Variants in C7 observed in about 807,000 individuals in gnomAD.
C7 encodes complement C7, also known as complement component C7.
A neutral mutation model predicts 104.8 loss-of-function variants in C7; 83 were observed. That is an observed-to-expected ratio of 0.79 (90% CI 0.66 to 0.95). The LOEUF is 0.95. C7 is among the 40% of genes least tolerant of loss of function. C7 has a pLI of 0.00. For missense variants in C7, 1,070 were observed against 1,011.2 expected (o/e 1.06, Z -0.79); for synonymous variants, 415 against 360.6 (o/e 1.15, Z -1.71).
At chr5:40,967,738 T>G (rs1166413667) in intron 14 of C7, 9 of 176,328 alleles carry the variant, frequency 5.1e-5, no homozygotes, top group African/African-American at 2.1e-4. Context: ...GTAGGCCTTA[T>G]TATTAACAAC....
intron 1 of C7, among the ~76,000 whole-genome samples, chr5:40,917,609 A>G (rs914586126): frequency 6.6e-5 from 10 of 152,104 alleles, no homozygotes; most frequent in Admixed American, 1.3e-4. Flanking sequence ...TTTCTCTTTG[A>G]TATACTGATT....
intron 16 of C7, among the ~76,000 whole-genome samples, chr5:40,977,436 C>G (rs1299907112): frequency 6.6e-6 from 1 of 152,210 alleles, no homozygotes; most frequent in Admixed American, 6.5e-5. Flanking sequence ...AAGGAAACTA[C>G]AAGTCCCATG....
intron 2 of C7, among the ~76,000 whole-genome samples, chr5:40,930,152 T>G (rs1168138437): frequency 6.6e-6 from 1 of 152,116 alleles, no homozygotes; most frequent in African/African-American, 2.4e-5. Flanking sequence ...GATTATTTGT[T>G]TACACATCTG....
chr5:40,943,671 G>A (rs1411852901), intron 6 of C7, among the ~76,000 whole-genome samples: 1 of 150,268 alleles, frequency 6.7e-6, no homozygotes, highest in Non-Finnish European at 1.5e-5. Flanking sequence ...ATGTGTATAT[G>A]TGTATATACA....
At chr5:40,940,005 G>C (rs2111607667) in intron 6 of C7, among the ~76,000 whole-genome samples, 1 of 152,310 alleles carries the variant, frequency 6.6e-6, no homozygotes, top group Non-Finnish European at 1.5e-5. Flanking sequence ...TCTGAGGGAA[G>C]TGAAGTGGAA....
rs774733206 is a variant in C7 at position 40,945,265 on chromosome 5, C to T, written c.635C>T (p.Ser212Leu). The T allele has an allele frequency of 8.2e-6, 13 of 1,585,746 alleles. No individual in the cohort carries two copies. The highest frequency in any genetic ancestry group is 2.3e-5 in the South Asian group (2 of 87,040). ...NSTWSYVKHT[S>L]TEHTSSSRKR... ...ACTTGGTCTTATGTAAAACATACGT[C>T]GACAGAACACACATCATCTAGTCGG... The change falls in exon 7 of 18, where the codon TCG becomes TTG. Residue 212 changes from serine (S) to leucine (L), a missense_variant. Coordinates refer to ENST00000313164, the MANE Select transcript of C7 (RefSeq NM_000587.4).
At chr5:40,936,080 T>C (rs557266162) in intron 4 of C7, among the ~76,000 whole-genome samples, 5 of 152,288 alleles carry the variant, frequency 3.3e-5, no homozygotes, top group Admixed American at 6.5e-5. Context: ...TTGATGATTA[T>C]GGGTGAGATC....
intron 6 of C7, among the ~76,000 whole-genome samples, chr5:40,941,261 G>A (rs1407753535): frequency 2.6e-5 from 4 of 151,804 alleles, no homozygotes; most frequent in South Asian, 2.1e-4. Context: ...ACAGGGTTTC[G>A]CCATGTCGGT....
chr5:40,980,848 C>T (rs1226864898), intron 17 of C7, among the ~76,000 whole-genome samples: 1 of 152,216 alleles, frequency 6.6e-6, no homozygotes, highest in Non-Finnish European at 1.5e-5. Flanking sequence ...TCACCATTGT[C>T]TGCTGGCTGA....
intron 3 of C7, among the ~76,000 whole-genome samples, chr5:40,933,097 C>A (rs539757448): frequency 3.0e-4 from 45 of 152,130 alleles, no homozygotes; most frequent in African/African-American, 1.0e-3. Flanking sequence ...TATCAAGAAA[C>A]CTTACCGAGT....
intron 4 of C7, among the ~76,000 whole-genome samples, chr5:40,935,883 T>G (rs1739801157): frequency 1.3e-5 from 2 of 152,236 alleles, no homozygotes; most frequent in Non-Finnish European, 2.9e-5. Flanking sequence ...TAGCCCCTAT[T>G]GTGCTACGGA....
At chr5:40,912,895 A>G (rs1027673253) in intron 1 of C7, among the ~76,000 whole-genome samples, 3 of 152,192 alleles carry the variant, frequency 2.0e-5, no homozygotes, top group Non-Finnish European at 2.9e-5. Flanking sequence ...CAGTGTATCT[A>G]TCTTCCAAAT....
At chr5:40,919,250 G>A (rs888382724) in intron 1 of C7, among the ~76,000 whole-genome samples, 4 of 151,246 alleles carry the variant, frequency 2.6e-5, no homozygotes, top group East Asian at 3.9e-4. Flanking sequence ...CATCCCTTCC[G>A]AGCAGCTGGG....
At position 40,947,608 on chromosome 5, in the gene C7, C is replaced by T. The variant is rs778975422; in HGVS notation, c.745C>T (p.Gln249Ter). The T allele has an allele frequency of 1.2e-6, 2 of 1,612,924 alleles. No homozygotes were observed. Among genetic ancestry groups the T allele is most frequent in the East Asian group, 4.5e-5 (2 of 44,868 alleles). The change falls in exon 8 of 18, where the codon CAA becomes TAA. Residue 249 changes from glutamine (Q) to a stop codon, truncating the protein, a stop_gained. Transcript: ENST00000313164. LOFTEE classifies it high-confidence loss of function. ...CTCTTTCTTCTTTCCACAGAGTTAC[C>T]AACTGCTGGTTGTTGAGAACACTGT... ...TNEIHKGKSY[Q>*]LLVVENTVEV...
chr5:40,947,525 G>T (rs1740075492), intron 7 of C7, 77 bp from the exon 8 acceptor site: 3 of 1,471,978 alleles, frequency 2.0e-6, no homozygotes, highest in African/African-American at 1.4e-5. Flanking sequence ...GCTGATGAAG[G>T]TATTGAACAG....
At chr5:40,970,445 A>G (rs913367238) in intron 14 of C7, among the ~76,000 whole-genome samples, 1 of 152,198 alleles carries the variant, frequency 6.6e-6, no homozygotes, top group African/African-American at 2.4e-5. Flanking sequence ...GTAAGAAAGA[A>G]TACAGATGAA....
In C7 at chr5:40,914,254, A is replaced by G. The variant is rs10037725; in HGVS notation, c.6+4638A>G. Among the ~76,000 whole-genome samples the G allele has an allele frequency of 7.5e-3, 1,136 of 152,230 alleles. 18 individuals are homozygous for G. The highest frequency in any genetic ancestry group is 0.026 in the African/African-American group (1,090 of 41,542). Reference sequence around the variant, plus strand: ...TTTCATATGCTTGTGAGCCATTTGTATGTCTTTGAAAAATGTCTATTCATG... The same window carrying G: ...TTTCATATGCTTGTGAGCCATTTGTGTGTCTTTGAAAAATGTCTATTCATG... On this transcript the variant is annotated intron_variant, in intron 1 of 17. Coordinates refer to ENST00000313164, the MANE Select transcript of C7 (RefSeq NM_000587.4).
At chr5:40,980,397 A>C (rs1288764352) in intron 17 of C7, 2 of 152,422 alleles carry the variant, frequency 1.3e-5, no homozygotes, top group African/African-American at 2.4e-5. Flanking sequence ...CTGTGAGTTT[A>C]GCAAGTGTTA....
At chr5:40,922,788 A>G (rs1483515156) in intron 1 of C7, among the ~76,000 whole-genome samples, 1 of 152,164 alleles carries the variant, frequency 6.6e-6, no homozygotes, top group African/African-American at 2.4e-5. Context: ...TTATAAGAAT[A>G]AAACTAGATT....
Sources: allele counts gnomAD v4.1 joint callset (sites outside exome capture counted in the v4.1 genomes callset), GRCh38; gene constraint gnomAD v4.1.1; transcripts MANE v1.5; gene names NCBI Gene and HGNC (gene_info 2026-07-23, HGNC 2026-07-21).